Variants in PCDH9 observed in about 807,000 individuals in gnomAD.
PCDH9 encodes protocadherin 9, also known as protocadherin-9.
A neutral mutation model predicts 70.6 loss-of-function variants in PCDH9; 24 were observed. The observed-to-expected ratio is 0.34, with a 90% confidence interval of 0.25 to 0.48. The LOEUF is 0.48. Among genes scored for constraint, PCDH9 ranks in the 20% least tolerant of loss-of-function variants. The pLI is 0.99. For synonymous variants in PCDH9, 562 were observed against 558.5 expected, an observed-to-expected ratio of 1.01 and a Z score of -0.09; for missense variants, 1,281 against 1,503.6, an observed-to-expected ratio of 0.85 and a Z score of 2.45.
intron 2 of PCDH9, among the ~76,000 whole-genome samples, chr13:67,051,839 T>C (rs923640416): frequency 6.6e-6 from 1 of 152,176 alleles, no homozygotes; most frequent in African/African-American, 2.4e-5. Context: ...CTTTGGAAGA[T>C]GTAATGAATA....
At chr13:66,564,630 T>C (rs2076625636) in intron 4 of PCDH9, among the ~76,000 whole-genome samples, 2 of 140,014 alleles carry the variant, frequency 1.4e-5, no homozygotes, top group Admixed American at 1.4e-4. Flanking sequence ...AAACAGAGAG[T>C]ACCACGATTT....
chr13:66,599,491 T>C (rs773369265), intron 4 of PCDH9, among the ~76,000 whole-genome samples: 2 of 151,924 alleles, frequency 1.3e-5, no homozygotes, highest in Non-Finnish European at 2.9e-5. Flanking sequence ...TTCTAAAAAT[T>C]ATTTAATTAC....
chr13:66,671,000 A>G (rs1280831678), intron 3 of PCDH9, among the ~76,000 whole-genome samples: 1 of 151,230 alleles, frequency 6.6e-6, no homozygotes, highest in Non-Finnish European at 1.5e-5. Flanking sequence ...GTAGCTCCAC[A>G]TGTCATGGGA....
intron 4 of PCDH9, chr13:66,306,131 T>C (rs138114731): frequency 6.6e-6 from 1 of 152,036 alleles, no homozygotes; most frequent in African/African-American, 2.4e-5. Flanking sequence ...CATTTTCAAA[T>C]GCAGAGAGTC....
chr13:67,040,899 A>G (rs2085101213), intron 2 of PCDH9, among the ~76,000 whole-genome samples: 1 of 152,166 alleles, frequency 6.6e-6, no homozygotes, highest in Non-Finnish European at 1.5e-5. Flanking sequence ...AACAAACACA[A>G]TCAGGGTTTT....
chr13:66,612,520 T>C (rs561271580), intron 4 of PCDH9, among the ~76,000 whole-genome samples: 35 of 152,338 alleles, frequency 2.3e-4, no homozygotes, highest in African/African-American at 7.7e-4. Context: ...GTAAGACCAG[T>C]TAAATTTGAA....
At chr13:66,802,282 T>G (rs941961492) in intron 3 of PCDH9, among the ~76,000 whole-genome samples, 5 of 152,058 alleles carry the variant, frequency 3.3e-5, no homozygotes, top group African/African-American at 1.2e-4. Flanking sequence ...GAATTCCTTT[T>G]AAACTGCCTC....
Position 66,732,276 on chromosome 13 carries a change from A to G in PCDH9, c.3139-100865T>C, listed in dbSNP as rs185466604. ...TTTTCTTTCTATGGGAACATTATAA[A>G]TCTTCTAATCCAGCTATTTTGAAAT... On this transcript the variant is annotated intron_variant, in intron 3 of 4. Coordinates refer to ENST00000377865, the MANE Select transcript of PCDH9 (RefSeq NM_203487.3). Among the ~76,000 whole-genome samples the G allele has an allele frequency of 2.6e-5, 4 of 152,044 alleles. No individual in the cohort carries two copies. The East Asian group carries it at 7.7e-4, about 29-fold the overall frequency.
chr13:66,539,946 T>A (rs977100557), intron 4 of PCDH9, among the ~76,000 whole-genome samples: 1 of 148,842 alleles, frequency 6.7e-6, no homozygotes, highest in African/African-American at 2.5e-5. Context: ...TCAAGCTCAC[T>A]GCAGCCTTGA....
chr13:66,960,737 T>G (rs1332070017), intron 2 of PCDH9, among the ~76,000 whole-genome samples: 1 of 152,180 alleles, frequency 6.6e-6, no homozygotes, highest in Non-Finnish European at 1.5e-5. Context: ...ATGCACTGTA[T>G]AGAATGAAGA....
chr13:66,958,644 C>A (rs1021327351), intron 2 of PCDH9, among the ~76,000 whole-genome samples: 1 of 152,076 alleles, frequency 6.6e-6, no homozygotes, highest in African/African-American at 2.4e-5. Flanking sequence ...ACAGTCTATT[C>A]ATTGATGTAA....
intron 2 of PCDH9, among the ~76,000 whole-genome samples, chr13:67,047,951 AATTTAGGGGG>A (rs1179147885): frequency 6.6e-6 from 1 of 152,138 alleles, no homozygotes; most frequent in Admixed American, 6.6e-5. Flanking sequence ...TTGAAAAATC[AATTTAGGGGG>A]ATTAATTACT....
intron 3 of PCDH9, among the ~76,000 whole-genome samples, chr13:66,783,175 A>G (rs1342807615): frequency 6.6e-6 from 1 of 152,100 alleles, no homozygotes; most frequent in African/African-American, 2.4e-5. Flanking sequence ...AGCTTTGGCC[A>G]TTACACGACC....
chr13:66,309,805 T>C (rs1955531223), intron 4 of PCDH9, among the ~76,000 whole-genome samples: 2 of 151,824 alleles, frequency 1.3e-5, no homozygotes, highest in African/African-American at 4.8e-5. Context: ...TGTTTGTGTG[T>C]GAGTGTGGTG....
intron 3 of PCDH9, among the ~76,000 whole-genome samples, chr13:66,884,363 G>A (rs986232861): frequency 1.3e-5 from 2 of 152,048 alleles, no homozygotes; most frequent in African/African-American, 2.4e-5. Context: ...TTAGCACATC[G>A]CTGTTAGGAA....
At position 66,673,977 on chromosome 13, in the gene PCDH9, A is replaced by G. The variant is rs574032975; in HGVS notation, c.3139-42566T>C. ...CTTATGATATCATTCTATTACCACC[A>G]ACACATTTAGGAAATTATAATAGGG... On this transcript the variant is annotated intron_variant, in intron 3 of 4. Coordinates refer to ENST00000377865, the MANE Select transcript of PCDH9 (RefSeq NM_203487.3). Among the ~76,000 whole-genome samples, 21 of 152,274 alleles carry G rather than the reference A, an allele frequency of 1.4e-4. No individual in the cohort carries two copies. In the East Asian group the frequency reaches 3.9e-3, roughly 28 times the overall value.
intron 3 of PCDH9, among the ~76,000 whole-genome samples, chr13:66,868,665 A>G (rs1188881807): frequency 1.3e-5 from 2 of 152,124 alleles, no homozygotes; most frequent in South Asian, 2.1e-4. Flanking sequence ...TACCTGTGAA[A>G]TTTGCCAGTG....
At chr13:66,513,869 T>C (rs76165680) in intron 4 of PCDH9, among the ~76,000 whole-genome samples, 2,285 of 152,094 alleles carry the variant, frequency 0.015, 43 homozygotes, top group African/African-American at 0.053. Flanking sequence ...TTTTCAGACA[T>C]GTGTGGTTAA....
At chr13:66,663,626 T>C (rs1178571401) in intron 3 of PCDH9, among the ~76,000 whole-genome samples, 3 of 152,192 alleles carry the variant, frequency 2.0e-5, no homozygotes, top group Non-Finnish European at 2.9e-5. Flanking sequence ...GACCTGTAAA[T>C]TACTACTGTA....
Sources: gnomAD v4.1 joint callset for allele counts (sites outside exome capture counted in the v4.1 genomes callset) on GRCh38, gnomAD v4.1.1 for gene constraint, MANE v1.5 for transcripts, NCBI Gene and HGNC (gene_info 2026-07-23, HGNC 2026-07-21) for gene names.